SLC25A42: variants seen among roughly 807,000 people sequenced by gnomAD.
SLC25A42 encodes mitochondrial coenzyme A transporter SLC25A42.
SLC25A42 carries 19 observed loss-of-function variants against 34.7 expected under a neutral mutation model. The observed-to-expected ratio is 0.55, with a 90% confidence interval of 0.38 to 0.80. The LOEUF (loss-of-function observed/expected upper bound fraction) is 0.80, where lower values mean the gene tolerates loss of function less well. SLC25A42 is among the 30% of genes least tolerant of loss of function. The pLI, the probability that SLC25A42 is intolerant of heterozygous loss-of-function variation, is 0.00. For synonymous variants in SLC25A42, 205 were observed against 191.2 expected, an observed-to-expected ratio of 1.07 and a Z score of -0.59; for missense variants, 364 against 441.3, an observed-to-expected ratio of 0.82 and a Z score of 1.57.
intron 5 of SLC25A42, 77 bp from the exon 6 acceptor site, chr19:19,106,192 C>CG: frequency 7.9e-7 from 1 of 1,258,494 alleles, no homozygotes; most frequent in Non-Finnish European, 1.1e-6. Flanking sequence ...CAGAGACGTG[C>CG]GGGTGCTCCA....
chr19:19,076,326 C>T (rs2059655994), intron 1 of SLC25A42, among the ~76,000 whole-genome samples: 1 of 151,872 alleles, frequency 6.6e-6, no homozygotes, highest in Non-Finnish European at 1.5e-5. Flanking sequence ...AAAAATTGGC[C>T]AGACCTGGTG....
At chr19:19,068,245 C>T (rs1020650461) in intron 1 of SLC25A42, among the ~76,000 whole-genome samples, 4 of 151,508 alleles carry the variant, frequency 2.6e-5, no homozygotes, top group Non-Finnish European at 5.9e-5. Flanking sequence ...ATCCTAGCTA[C>T]TCAGGAAGCT....
intron 1 of SLC25A42, among the ~76,000 whole-genome samples, chr19:19,064,484 T>G (rs1213233392): frequency 1.3e-5 from 1 of 79,088 alleles, no homozygotes; most frequent in Non-Finnish European, 2.3e-5. Flanking sequence ...CCACATCACC[T>G]GAGTCTGTCC....
chr19:19,076,874 G>T (rs369380552), intron 1 of SLC25A42, among the ~76,000 whole-genome samples: 1 of 152,030 alleles, frequency 6.6e-6, no homozygotes, highest in South Asian at 2.1e-4. Flanking sequence ...AATGTGTTTT[G>T]TACTTACGTT....
chr19:19,070,991 C>T (rs34757625), intron 1 of SLC25A42, among the ~76,000 whole-genome samples: 2 of 117,210 alleles, frequency 1.7e-5, no homozygotes, highest in Admixed American at 9.6e-5. Context: ...TGCATACCGT[C>T]TTTTTTTTTT....
chr19:19,089,436 G>A (rs2059725905), intron 1 of SLC25A42, among the ~76,000 whole-genome samples: 1 of 151,818 alleles, frequency 6.6e-6, no homozygotes, highest in Admixed American at 6.6e-5. Context: ...GCTGAGGCAG[G>A]AGAATTGCTT....
intron 1 of SLC25A42, among the ~76,000 whole-genome samples, chr19:19,080,403 A>G (rs1321696496): frequency 2.0e-5 from 3 of 152,078 alleles, no homozygotes; most frequent in African/African-American, 7.2e-5. Context: ...GGAAGGAGGC[A>G]AGGGGAGGGG....
At chr19:19,078,011 C>T (rs1321530259) in intron 1 of SLC25A42, among the ~76,000 whole-genome samples, 2 of 152,176 alleles carry the variant, frequency 1.3e-5, no homozygotes, top group Non-Finnish European at 2.9e-5. Context: ...TACATAGTGT[C>T]CCATCGTGGG....
At chr19:19,103,505 C>T (rs1328728854) in intron 3 of SLC25A42, among the ~76,000 whole-genome samples, 1 of 152,166 alleles carries the variant, frequency 6.6e-6, no homozygotes, top group Non-Finnish European at 1.5e-5. Flanking sequence ...CAGATAAGGT[C>T]ACCTTCTTGG....
At chr19:19,106,525 A>T (rs1334702876) in intron 6 of SLC25A42, 140 bp downstream of exon 6, 1 of 594,880 alleles carries the variant, frequency 1.7e-6, no homozygotes, top group Non-Finnish European at 2.9e-6. Context: ...CTGATGTGTC[A>T]TTCTGCAGCT....
chr19:19,088,519 C>T (rs542209363), intron 1 of SLC25A42, among the ~76,000 whole-genome samples: 1 of 150,000 alleles, frequency 6.7e-6, no homozygotes, highest in African/African-American at 2.5e-5. Context: ...GACGGAGTTT[C>T]ACTCTGGTCA....
intron 1 of SLC25A42, among the ~76,000 whole-genome samples, chr19:19,084,217 C>A (rs2059695444): frequency 6.6e-6 from 1 of 152,228 alleles, no homozygotes; most frequent in Non-Finnish European, 1.5e-5. Context: ...TTGCACACAC[C>A]ATCTCCCACC....
Position 19,081,972 on chromosome 19 carries a change from T to C in SLC25A42, c.-34-14119T>C, listed in dbSNP as rs1460270000. Among the ~76,000 whole-genome samples, 1 of 152,176 alleles carries C rather than the reference T, an allele frequency of 6.6e-6. No homozygotes were observed. Among genetic ancestry groups the C allele is most frequent in the African/African-American group, 2.4e-5 (1 of 41,450 alleles). ...TGGTCGCAAGTCTGGGTACACGTTG[T>C]CATGGGAGTGATTGGCCTCCTGGGA... is the stretch of plus-strand genomic sequence containing the variant. On this transcript the variant is annotated intron_variant, in intron 1 of 7. Coordinates refer to ENST00000318596, the MANE Select transcript of SLC25A42 (RefSeq NM_178526.5). The surrounding 1 kb of genome is among the most constrained non-coding windows in gnomAD (Gnocchi z 4.5).
intron 2 of SLC25A42, among the ~76,000 whole-genome samples, chr19:19,100,355 AAAT>A (rs1368700387): frequency 1.3e-5 from 2 of 152,028 alleles, no homozygotes; most frequent in Non-Finnish European, 2.9e-5. Context: ...AAAAAAATAA[AAAT>A]AACCCATTTA....
intron 1 of SLC25A42, among the ~76,000 whole-genome samples, chr19:19,066,150 C>A (rs1050702252): frequency 2.0e-4 from 31 of 152,202 alleles, no homozygotes; most frequent in African/African-American, 7.2e-4. Flanking sequence ...AGCCACCACA[C>A]CCGGCCTATT....
intron 7 of SLC25A42, among the ~76,000 whole-genome samples, chr19:19,110,354 A>AT (rs1263663059): frequency 3.3e-5 from 5 of 151,698 alleles, no homozygotes; most frequent in African/African-American, 7.3e-5. Flanking sequence ...CAAAAAAAAA[A>AT]TTTTTTTTAT....
At chr19:19,084,243 G>A (rs1251798297) in intron 1 of SLC25A42, among the ~76,000 whole-genome samples, 1 of 152,150 alleles carries the variant, frequency 6.6e-6, no homozygotes, top group Admixed American at 6.5e-5. Flanking sequence ...TCCACCACAG[G>A]CCCCACCTCC....
At chr19:19,091,964 T>C (rs936249260) in intron 1 of SLC25A42, among the ~76,000 whole-genome samples, 14 of 152,206 alleles carry the variant, frequency 9.2e-5, no homozygotes, top group African/African-American at 2.9e-4. Flanking sequence ...CCTCTTCCTC[T>C]TGAGACAGGG....
rs542707849 is a variant in SLC25A42 at position 19,105,558 on chromosome 19, C to A, written c.214-3C>A. ...GGATGTTGACCTTCCCGCTTATCTC[C>A]AGGAGGCCTTCCGGGTCCTCTACTA... On this transcript the variant is annotated splice_polypyrimidine_tract_variant and splice_region_variant and intron_variant, in intron 4 of 7. Coordinates refer to ENST00000318596, the MANE Select transcript of SLC25A42 (RefSeq NM_178526.5). The A allele has an allele frequency of 2.5e-6, 4 of 1,610,170 alleles. No individual in the cohort carries two copies. The African/African-American group carries it at 5.3e-5, about 21-fold the overall frequency.
Sources: gnomAD v4.1 joint callset for allele counts (sites outside exome capture counted in the v4.1 genomes callset) on GRCh38, gnomAD v4.1.1 for gene constraint, Gnocchi (gnomAD v3.1) non-coding constraint, MANE v1.5 for transcripts, NCBI Gene and HGNC (gene_info 2026-07-23, HGNC 2026-07-21) for gene names.